SCAPER: variants seen among roughly 807,000 people sequenced by gnomAD.
SCAPER encodes the protein S-phase cyclin A associated protein in the ER.
SCAPER carries 98 observed loss-of-function variants against 182.2 expected under a neutral mutation model. That is an observed-to-expected ratio of 0.54 (90% CI 0.46 to 0.64). SCAPER has a LOEUF of 0.64. SCAPER is among the 30% of genes least tolerant of loss of function. SCAPER has a pLI of 0.00. For synonymous variants in SCAPER, 605 were observed against 564.6 expected (o/e 1.07, Z -1.01); for missense variants, 1,432 against 1,690.0 (o/e 0.85, Z 2.68).
At chr15:76,565,822 C>T (rs543950887) in intron 23 of SCAPER, among the ~76,000 whole-genome samples, 1 of 152,168 alleles carries the variant, frequency 6.6e-6, no homozygotes, top group East Asian at 1.9e-4. Flanking sequence ...AGCTGAAAAA[C>T]GTCTGAAAAA....
Position 76,635,433 on chromosome 15 carries a change from AT to A in SCAPER, c.2646-13605del, listed in dbSNP as rs924511578. ...AGACAGTGGCCCTGGCCAGGAATTGATTTTTTTTTCCTCATGAATGTTATAA... is the reference window on the plus strand; with the variant it reads ...AGACAGTGGCCCTGGCCAGGAATTGATTTTTTTTCCTCATGAATGTTATAA... On this transcript the variant is annotated intron_variant, in intron 21 of 31. Coordinates refer to ENST00000563290, the MANE Select transcript of SCAPER (RefSeq NM_020843.4). 9.7e-4 allele frequency among the ~76,000 whole-genome samples: 148 copies of A among 151,866 alleles called. 1 individual carries two copies. The highest frequency in any genetic ancestry group is 3.5e-3 in the African/African-American group (143 of 41,414).
chr15:76,397,365 C>T (rs1380675399), intron 27 of SCAPER, among the ~76,000 whole-genome samples: 1 of 151,876 alleles, frequency 6.6e-6, no homozygotes, highest in Non-Finnish European at 1.5e-5. Flanking sequence ...TTCCCTCCTC[C>T]TCTATTTTTT....
intron 23 of SCAPER, among the ~76,000 whole-genome samples, chr15:76,505,949 T>C (rs960773093): frequency 2.6e-5 from 4 of 152,104 alleles, no homozygotes; most frequent in African/African-American, 9.7e-5. Context: ...TGCAACAACA[T>C]AGATGGAAGT....
chr15:76,878,272 G>A (rs2073311071), intron 2 of SCAPER, among the ~76,000 whole-genome samples: 1 of 151,838 alleles, frequency 6.6e-6, no homozygotes, highest in South Asian at 2.1e-4. Context: ...AAGAGAGAAA[G>A]GAAAGAATAA....
In SCAPER at chr15:76,883,862, C is replaced by G; in HGVS notation, c.-45G>C. ...GCCAAGATCATTTATCACATAAACC[C>G]ATGGAGTATGACTCCTACAATAAAA... is the stretch of plus-strand genomic sequence containing the variant. On this transcript the variant is annotated 5_prime_UTR_variant, in exon 2 of 32. It removes an upstream start codon present in the reference 5' UTR. Transcript: ENST00000563290. The G allele has an allele frequency of 7.0e-7, 1 of 1,424,740 alleles. No homozygotes were observed. The highest frequency in any genetic ancestry group is 9.6e-7 in the Non-Finnish European group (1 of 1,044,358). The allele number at this position is 1,424,740 out of a possible 1,614,324, so 88.3% of individuals were successfully genotyped here.
At chr15:76,452,063 T>C (rs2048403176) in intron 25 of SCAPER, among the ~76,000 whole-genome samples, 1 of 152,226 alleles carries the variant, frequency 6.6e-6, no homozygotes, top group African/African-American at 2.4e-5. Flanking sequence ...TTCCTACTAT[T>C]GTCTTCCTTT....
intron 13 of SCAPER, 44 bp from the exon 14 acceptor site, chr15:76,765,116 T>C: frequency 2.9e-6 from 4 of 1,366,912 alleles, no homozygotes; most frequent in South Asian, 1.3e-5. Context: ...AATGTTTACA[T>C]GATAAGGCCA....
At chr15:76,604,658 G>T (rs2050209440) in intron 22 of SCAPER, among the ~76,000 whole-genome samples, 3 of 152,140 alleles carry the variant, frequency 2.0e-5, no homozygotes, top group Admixed American at 6.6e-5. Flanking sequence ...TTACCCATGA[G>T]CATGGAATGT....
At chr15:76,817,694 A>G (rs1196212036) in intron 5 of SCAPER, among the ~76,000 whole-genome samples, 1 of 152,218 alleles carries the variant, frequency 6.6e-6, no homozygotes, top group Non-Finnish European at 1.5e-5. Flanking sequence ...TATATAACAA[A>G]TATATATGTA....
intron 23 of SCAPER, among the ~76,000 whole-genome samples, chr15:76,553,511 A>C (rs1313990395): frequency 6.6e-6 from 1 of 152,236 alleles, no homozygotes; most frequent in Non-Finnish European, 1.5e-5. Flanking sequence ...TTGCTAGCAC[A>C]CATGAATGAG....
intron 22 of SCAPER, among the ~76,000 whole-genome samples, chr15:76,607,406 C>A (rs1401031852): frequency 6.6e-6 from 1 of 152,190 alleles, no homozygotes; most frequent in Admixed American, 6.5e-5. Flanking sequence ...TGATGGGCTT[C>A]CCTTTGTGGG....
At chr15:76,492,117 T>C (rs2459364) in intron 24 of SCAPER, among the ~76,000 whole-genome samples, 147,955 of 152,282 alleles carry the variant, frequency 0.97, 72,008 homozygotes, top group South Asian at 1. Context: ...GATGTATCTA[T>C]AGCAGCAACA....
intron 17 of SCAPER, among the ~76,000 whole-genome samples, chr15:76,728,216 CA>C (rs746287649): frequency 0.14 from 16,137 of 115,014 alleles, 1,205 homozygotes; most frequent in African/African-American, 0.26. Flanking sequence ...CTATTTCCAT[CA>C]AAAAAAAAAA....
At chr15:76,419,499 T>C (rs1480818157) in intron 26 of SCAPER, among the ~76,000 whole-genome samples, 1 of 152,072 alleles carries the variant, frequency 6.6e-6, no homozygotes, top group East Asian at 1.9e-4. Context: ...GGTGGGCAGA[T>C]CATCTGAGGT....
chr15:76,876,438 CAAAA>C (rs33959211), intron 2 of SCAPER, among the ~76,000 whole-genome samples: 31 of 122,738 alleles, frequency 2.5e-4, no homozygotes, highest in Non-Finnish European at 3.7e-4. Context: ...AAAACAAAAG[CAAAA>C]AAAAAAAAAA....
chr15:76,378,590 T>C (rs578024731), intron 28 of SCAPER, among the ~76,000 whole-genome samples: 439 of 152,356 alleles, frequency 2.9e-3, no homozygotes, highest in African/African-American at 0.01. Context: ...ATGGTGTCTA[T>C]GTAGACAGAT....
In SCAPER at chr15:76,801,463, T is replaced by G. The variant is rs17366544; in HGVS notation, c.495-1099A>C. ...TTCTTTAAACATATACAACTTCAGT[T>G]TTTACATTTAAATCTCCAGGCTAGC... On this transcript the variant is annotated intron_variant, in intron 6 of 31. Coordinates refer to ENST00000563290, the MANE Select transcript of SCAPER (RefSeq NM_020843.4). Among the ~76,000 whole-genome samples, 1,162 of 152,332 alleles carry G rather than the reference T, an allele frequency of 7.6e-3. 8 individuals are homozygous for G. Among genetic ancestry groups the G allele is most frequent in the Middle Eastern group, 0.024 (7 of 294 alleles).
chr15:76,648,629 T>C (rs1198937587), intron 21 of SCAPER, among the ~76,000 whole-genome samples: 1 of 152,198 alleles, frequency 6.6e-6, no homozygotes, highest in Non-Finnish European at 1.5e-5. Context: ...AGAAAGAAAT[T>C]ATTTAGGCAG....
intron 20 of SCAPER, among the ~76,000 whole-genome samples, chr15:76,667,171 C>G (rs2056639295): frequency 6.6e-6 from 1 of 152,120 alleles, no homozygotes; most frequent in Admixed American, 6.5e-5. Context: ...TACAAATTTT[C>G]CTTGTCAAGG....
Sources: allele counts gnomAD v4.1 joint callset (sites outside exome capture counted in the v4.1 genomes callset), GRCh38; gene constraint gnomAD v4.1.1; transcripts MANE v1.5; gene names NCBI Gene and HGNC (gene_info 2026-07-23, HGNC 2026-07-21).